SMAP1: variants seen among roughly 807,000 people sequenced by gnomAD.
SMAP1 encodes small ArfGAP 1.
Under a neutral mutation model 58.5 loss-of-function variants are expected in SMAP1, and 24 were observed. That is an observed-to-expected ratio of 0.41 (90% CI 0.30 to 0.58). SMAP1 has a LOEUF of 0.58. Ranked by LOEUF, SMAP1 falls within the 20% of genes least tolerant of loss-of-function variation. The pLI is 0.29. For synonymous variants in SMAP1, 216 were observed against 196.6 expected (o/e 1.10, Z -0.82); for missense variants, 563 against 566.3 (o/e 0.99, Z 0.06).
At chr6:70,793,130 G>C (rs984994077) in intron 5 of SMAP1, among the ~76,000 whole-genome samples, 1 of 151,992 alleles carries the variant, frequency 6.6e-6, no homozygotes. Context: ...CATCACCTGG[G>C]TTCAAGCGAC....
At chr6:70,857,624 G>A (rs1771486864) in intron 9 of SMAP1, 1 of 374,534 alleles carries the variant, frequency 2.7e-6, no homozygotes. Context: ...ATAAAACAGT[G>A]TATGATGTCA....
chr6:70,787,390 C>T (rs1430368436), intron 4 of SMAP1, among the ~76,000 whole-genome samples: 1 of 151,612 alleles, frequency 6.6e-6, no homozygotes, highest in African/African-American at 2.4e-5. Flanking sequence ...TAGGCATGGG[C>T]AAGGACTTCA....
chr6:70,858,383 ATAT>A lies in SMAP1; in HGVS notation c.1269+158_1269+160del, dbSNP rs544992149. ...GTTATAGGGTCAAAAGTATCTATAA[ATAT>A]TATGAAGTTGTATCAGATAGACAAA... On this transcript the variant is annotated intron_variant, in intron 10 of 10. Transcript: ENST00000370455. The A allele has an allele frequency of 3.3e-3, 2,086 of 624,162 alleles. 16 individuals carry two copies. Among genetic ancestry groups the A allele is most frequent in the Admixed American group, 3.6e-3 (97 of 26,720 alleles). 38.7% of individuals were successfully genotyped at this position (624,162 alleles called of 1,614,324 possible). A position where few individuals can be genotyped will look rare whatever the true frequency, so the allele number is the denominator to read the frequency against.
At chr6:70,673,641 A>T (rs1766357685) in intron 1 of SMAP1, among the ~76,000 whole-genome samples, 1 of 152,228 alleles carries the variant, frequency 6.6e-6, no homozygotes, top group Non-Finnish European at 1.5e-5. Flanking sequence ...TTATAGGACA[A>T]ATTTATATAA....
At chr6:70,787,426 A>G (rs977134486) in intron 4 of SMAP1, among the ~76,000 whole-genome samples, 13 of 152,202 alleles carry the variant, frequency 8.5e-5, no homozygotes, top group African/African-American at 3.1e-4. Context: ...GAGCAATGGC[A>G]ACAAAAGCCA....
chr6:70,761,543 G>A (rs1282971128), intron 3 of SMAP1, among the ~76,000 whole-genome samples: 5 of 151,860 alleles, frequency 3.3e-5, no homozygotes, highest in Admixed American at 1.3e-4. Flanking sequence ...TTTTGTTGTC[G>A]TTTCTCATTT....
chr6:70,667,922 C>G lies in SMAP1; in HGVS notation c.-102C>G, dbSNP rs1013797589. ...GCCGCTGCCGCTTCCTGGGCTGAGT[C>G]CGCCCGCGGTCCCGGCGGCGCCAGG... On this transcript the variant is annotated 5_prime_UTR_variant, in exon 1 of 11. Coordinates refer to ENST00000370455, the MANE Select transcript of SMAP1 (RefSeq NM_001044305.3). 1.0e-6 allele frequency: 1 copy of G among 995,030 alleles called. No individual in the cohort carries two copies. Among genetic ancestry groups the G allele is most frequent in the Non-Finnish European group, 1.4e-6 (1 of 692,962 alleles). 61.6% of individuals were successfully genotyped at this position (995,030 alleles called of 1,614,324 possible).
At chr6:70,676,541 A>G (rs1054867469) in intron 1 of SMAP1, among the ~76,000 whole-genome samples, 2 of 152,170 alleles carry the variant, frequency 1.3e-5, no homozygotes, top group African/African-American at 4.8e-5. Flanking sequence ...TGATGGTATG[A>G]TAGATAAAAC....
intron 1 of SMAP1, among the ~76,000 whole-genome samples, chr6:70,712,498 T>C (rs953754713): frequency 5.3e-5 from 8 of 152,226 alleles, no homozygotes; most frequent in Non-Finnish European, 1.2e-4. Flanking sequence ...TTTGGAAAAC[T>C]TCAAGAAGGA....
chr6:70,761,677 T>C (rs1368878967), intron 3 of SMAP1, among the ~76,000 whole-genome samples: 1 of 152,086 alleles, frequency 6.6e-6, no homozygotes, highest in Non-Finnish European at 1.5e-5. Context: ...CCTTTGTTAA[T>C]AATAAGAGCT....
chr6:70,747,044 G>T (rs1289847840), intron 2 of SMAP1, among the ~76,000 whole-genome samples: 12 of 152,098 alleles, frequency 7.9e-5, no homozygotes, highest in Admixed American at 7.9e-4. Context: ...TAATATTTTA[G>T]AGGTGTATTC....
At chr6:70,687,813 TTG>T (rs150198693) in intron 1 of SMAP1, among the ~76,000 whole-genome samples, 3 of 151,950 alleles carry the variant, frequency 2.0e-5, no homozygotes, top group Non-Finnish European at 2.9e-5. Context: ...GTACAGTAAT[TTG>T]TGTGTGTGTG....
intron 4 of SMAP1, among the ~76,000 whole-genome samples, chr6:70,780,107 C>T (rs1767700539): frequency 6.6e-6 from 1 of 152,166 alleles, no homozygotes; most frequent in African/African-American, 2.4e-5. Flanking sequence ...ATTTGATTTA[C>T]CACAGTCCTG....
At chr6:70,678,544 A>T (rs2128550501) in intron 1 of SMAP1, among the ~76,000 whole-genome samples, 1 of 152,338 alleles carries the variant, frequency 6.6e-6, no homozygotes, top group South Asian at 2.1e-4. Context: ...CAGTATATTA[A>T]TTTCCTGTTG....
chr6:70,668,741 A>T (rs2128545726), intron 1 of SMAP1: 1 of 1,535,380 alleles, frequency 6.5e-7, no homozygotes, highest in East Asian at 2.4e-5. Context: ...TACGGAATAA[A>T]TTAATTGGAG....
intron 1 of SMAP1, among the ~76,000 whole-genome samples, chr6:70,717,699 A>C (rs1486330446): frequency 1.3e-5 from 2 of 152,142 alleles, no homozygotes; most frequent in African/African-American, 4.8e-5. Flanking sequence ...CATCTTGCTG[A>C]TGTCACTGCT....
chr6:70,857,075 C>T, intron 9 of SMAP1, 45 bp downstream of exon 9: 2 of 1,512,228 alleles, frequency 1.3e-6, no homozygotes, highest in Non-Finnish European at 8.9e-7. Context: ...ACTAGAAGTA[C>T]ATCCTTTGTA....
At chr6:70,837,171 C>CAAAAAAGAAA (rs1770624211) in intron 7 of SMAP1, 143 bp downstream of exon 7, 2 of 532,602 alleles carry the variant, frequency 3.8e-6, no homozygotes, top group Non-Finnish European at 6.2e-6. Context: ...AGTTTGCTAA[C>CAAAAAAGAAA]TTCCCACAAA....
At chr6:70,711,354 T>C (rs932819921) in intron 1 of SMAP1, among the ~76,000 whole-genome samples, 1 of 152,212 alleles carries the variant, frequency 6.6e-6, no homozygotes, top group Non-Finnish European at 1.5e-5. Flanking sequence ...GAACTGTTAC[T>C]GTAAATGTGG....
Sources: allele counts gnomAD v4.1 joint callset (sites outside exome capture counted in the v4.1 genomes callset), GRCh38; gene constraint gnomAD v4.1.1; transcripts MANE v1.5; gene names NCBI Gene and HGNC (gene_info 2026-07-23, HGNC 2026-07-21).